TENM3: variants seen among roughly 807,000 people sequenced by gnomAD.
The protein encoded by TENM3 is teneurin transmembrane protein 3, also known as teneurin-3.
A neutral mutation model predicts 255.1 loss-of-function variants in TENM3; 63 were observed. That is an observed-to-expected ratio of 0.25 (90% confidence interval 0.20 to 0.30). The LOEUF (loss-of-function observed/expected upper bound fraction) is 0.30, where lower values mean the gene tolerates loss of function less well. TENM3 is among the 10% of genes least tolerant of loss of function. TENM3 has a pLI of 1.00. For missense variants in TENM3, 2,929 were observed against 3,461.1 expected (o/e 0.85, Z 3.86); for synonymous variants, 1,306 against 1,322.3 (o/e 0.99, Z 0.27).
rs1456895669 is a variant in TENM3, at chr4:182,768,791, A to G, written c.4893-4681A>G. The stretch of plus-strand genomic sequence containing the variant: ...AGACCAACAAACAGATAAACATCAA[A>G]TAAGGGCATCTCATCAGTGGAAGAG... On this transcript the variant is annotated intron_variant, in intron 22 of 27. Transcript: ENST00000511685. Among the ~76,000 whole-genome samples the G allele has an allele frequency of 1.3e-5, 2 of 152,234 alleles. 1 individual carries two copies. Among genetic ancestry groups the G allele is most frequent in the Non-Finnish European group, 2.9e-5 (2 of 68,040 alleles).
At chr4:182,262,719 T>A (rs1217944896) in intron 1 of TENM3, among the ~76,000 whole-genome samples, 1 of 138,038 alleles carries the variant, frequency 7.2e-6, no homozygotes, top group Non-Finnish European at 1.6e-5. Flanking sequence ...TCCTTTACTT[T>A]CTTTTTTTTT....
chr4:182,015,346 T>G, the TENM3 span, among the ~76,000 whole-genome samples: 1 of 152,164 alleles, frequency 6.6e-6, no homozygotes, highest in East Asian at 1.9e-4. Context: ...GCCTTTTGTC[T>G]TGTTCGAATG....
the TENM3 span, among the ~76,000 whole-genome samples, chr4:181,844,537 G>A: frequency 3.3e-5 from 5 of 151,812 alleles, no homozygotes; most frequent in East Asian, 1.9e-4. Flanking sequence ...GAGTGGTGGC[G>A]GGCGCCTGTA....
chr4:181,553,500 G>A, the TENM3 span, among the ~76,000 whole-genome samples: 1 of 151,880 alleles, frequency 6.6e-6, no homozygotes. Context: ...GGAGTGCAGG[G>A]GCGCGATCTC....
chr4:181,618,968 C>A, the TENM3 span, among the ~76,000 whole-genome samples: 1 of 152,168 alleles, frequency 6.6e-6, no homozygotes, highest in South Asian at 2.1e-4. Flanking sequence ...ACTTCTGCAC[C>A]CTGCTTGGCA....
intron 3 of TENM3, among the ~76,000 whole-genome samples, chr4:182,557,489 C>A (rs1195960855): frequency 6.6e-6 from 1 of 152,096 alleles, no homozygotes; most frequent in Non-Finnish European, 1.5e-5. Context: ...AGGACAGGGG[C>A]CTTATTTGAG....
At chr4:181,721,492 C>G in the TENM3 span, among the ~76,000 whole-genome samples, 1 of 126,620 alleles carries the variant, frequency 7.9e-6, no homozygotes, top group Admixed American at 8.7e-5. Flanking sequence ...CCCAGCTACT[C>G]GGGAGGCTGA....
Position 182,524,714 on chromosome 4 carries a change from A to G in TENM3, c.512-76210A>G, listed in dbSNP as rs566756576. ...TATTTGTAAATCCAAACTCAGAGTC[A>G]TTGCTTTTTAAGACAAGAGGGGGCC... On this transcript the variant is annotated intron_variant, in intron 3 of 27. Transcript: ENST00000511685. Among the ~76,000 whole-genome samples, 354 of 151,588 alleles carry G rather than the reference A, an allele frequency of 2.3e-3. 1 individual carries two copies. The highest frequency in any genetic ancestry group is 3.2e-3 in the Non-Finnish European group (220 of 67,902).
At chr4:182,341,349 A>G (rs1348747810) in intron 2 of TENM3, among the ~76,000 whole-genome samples, 3 of 152,240 alleles carry the variant, frequency 2.0e-5, no homozygotes, top group African/African-American at 4.8e-5. Context: ...ATGACCCATT[A>G]TAACAGTTAT....
the TENM3 span, among the ~76,000 whole-genome samples, chr4:182,125,507 G>A: frequency 2.0e-5 from 3 of 152,238 alleles, no homozygotes; most frequent in South Asian, 4.1e-4. Flanking sequence ...TAAAATGAAG[G>A]CTTAAAATTG....
chr4:181,703,517 G>A, the TENM3 span, among the ~76,000 whole-genome samples: 1 of 152,136 alleles, frequency 6.6e-6, no homozygotes, highest in South Asian at 2.1e-4. Flanking sequence ...CCATATTGAT[G>A]CGTTAAAACC....
chr4:182,459,602 G>A (rs976063668), intron 3 of TENM3, among the ~76,000 whole-genome samples: 2 of 152,046 alleles, frequency 1.3e-5, no homozygotes, highest in Admixed American at 1.3e-4. Flanking sequence ...TAAATTTCAT[G>A]CATATTACAT....
At chr4:181,495,280 T>A in the TENM3 span, among the ~76,000 whole-genome samples, 1 of 152,132 alleles carries the variant, frequency 6.6e-6, no homozygotes, top group Non-Finnish European at 1.5e-5. Flanking sequence ...TCATAGGAGT[T>A]AGCGAAGGAG....
At chr4:181,558,580 A>G in the TENM3 span, among the ~76,000 whole-genome samples, 2 of 152,252 alleles carry the variant, frequency 1.3e-5, no homozygotes, top group Non-Finnish European at 2.9e-5. Flanking sequence ...AAATGGATGC[A>G]TTTATGAAAT....
At chr4:181,687,762 G>A in the TENM3 span, among the ~76,000 whole-genome samples, 3 of 152,100 alleles carry the variant, frequency 2.0e-5, no homozygotes, top group Admixed American at 2.0e-4. Context: ...TTCTGAGTTA[G>A]TAGTAAAGCC....
chr4:182,649,426 C>T (rs1209478763), intron 5 of TENM3, among the ~76,000 whole-genome samples: 3 of 150,396 alleles, frequency 2.0e-5, no homozygotes, highest in African/African-American at 7.3e-5. Flanking sequence ...CCTTGGATAA[C>T]ATTTTGGATA....
the TENM3 span, among the ~76,000 whole-genome samples, chr4:181,766,106 C>T: frequency 6.6e-6 from 1 of 152,044 alleles, no homozygotes; most frequent in Non-Finnish European, 1.5e-5. Flanking sequence ...TGTTTGGGAG[C>T]CCTCATTTGG....
rs532547763 is a variant in TENM3, at chr4:182,317,282, A to G, written c.-75-6664A>G. 1.7e-3 allele frequency among the ~76,000 whole-genome samples: 254 copies of G among 151,942 alleles called. 1 individual carries two copies. The highest frequency in any genetic ancestry group is 6.0e-3 in the African/African-American group (247 of 41,424). ...ATTCATAGTAGATTCCCCTTTTCCT[A>G]TATTTCCTTTCACAGTCTTTGTGGG... On this transcript the variant is annotated intron_variant, in intron 1 of 27. Coordinates refer to ENST00000511685, the MANE Select transcript of TENM3 (RefSeq NM_001080477.4).
the TENM3 span, among the ~76,000 whole-genome samples, chr4:182,068,553 T>C: frequency 1.1e-4 from 16 of 152,136 alleles, no homozygotes; most frequent in African/African-American, 3.6e-4. Context: ...AAATGAAATA[T>C]GAAAAAAAAG....
Sources: gnomAD v4.1 joint callset for allele counts (sites outside exome capture counted in the v4.1 genomes callset) on GRCh38, gnomAD v4.1.1 for gene constraint, MANE v1.5 for transcripts, NCBI Gene and HGNC (gene_info 2026-07-23, HGNC 2026-07-21) for gene names.